ATRX: variants seen among roughly 807,000 people sequenced by gnomAD.
ATRX encodes ATRX chromatin remodeler, also known as chromatin remodeler ATRX.
Under a neutral mutation model 172.6 loss-of-function variants are expected in ATRX, and 12 were observed. The observed-to-expected ratio is 0.07, with a 90% confidence interval of 0.04 to 0.11. ATRX has a LOEUF of 0.11. Among genes scored for constraint, ATRX ranks in the 10% least tolerant of loss-of-function variants. The pLI, the probability that ATRX is intolerant of heterozygous loss-of-function variation, is 1.00. For synonymous variants in ATRX, 674 were observed against 594.7 expected (o/e 1.13, Z -1.94); for missense variants, 1,368 against 1,767.4 (o/e 0.77, Z 4.05).
At chrX:77,644,708 G>T (rs372880793) in intron 15 of ATRX, among the ~76,000 whole-genome samples, 2 of 105,335 alleles carry the variant, frequency 1.9e-5, no homozygotes, top group Non-Finnish European at 1.9e-5. Context: ...CAAGTCCGAA[G>T]ATCAAAAAGG....
At chrX:77,559,801 G>A (rs1279842722) in intron 28 of ATRX, among the ~76,000 whole-genome samples, 1 of 110,816 alleles carries the variant, frequency 9.0e-6, no homozygotes, top group Non-Finnish European at 1.9e-5. Context: ...ATGAATTGGT[G>A]ATAGGTATAT....
intron 30 of ATRX, among the ~76,000 whole-genome samples, chrX:77,541,811 C>T (rs1376673419): frequency 9.0e-6 from 1 of 111,576 alleles, no homozygotes; most frequent in African/African-American, 3.3e-5. Context: ...ACTGATGGAA[C>T]GTATCTCAAA....
chrX:77,532,730 T>C (rs1266943740), intron 30 of ATRX, among the ~76,000 whole-genome samples: 1 of 111,852 alleles, frequency 8.9e-6, no homozygotes, highest in African/African-American at 3.2e-5. Context: ...GATATAGGCA[T>C]GGGCAAAGAT....
chrX:77,541,109 G>C (rs1311370427), intron 30 of ATRX, among the ~76,000 whole-genome samples: 2 of 111,619 alleles, frequency 1.8e-5, no homozygotes, highest in Non-Finnish European at 3.8e-5. Flanking sequence ...GAATCAAATA[G>C]ACGCAATAAA....
At chrX:77,729,946 TAAATA>T (rs1331669020) in intron 1 of ATRX, among the ~76,000 whole-genome samples, 2 of 111,699 alleles carry the variant, frequency 1.8e-5, no homozygotes, top group African/African-American at 6.5e-5. Flanking sequence ...GAAAAATAAA[TAAATA>T]AAGTACAGTA....
rs782529714 is a variant in ATRX, at chrX:77,682,573, C to G, written c.2683G>C (p.Val895Leu). Residue 895 changes from valine to leucine, a missense_variant, in exon 9 of 35, where the codon GTT (valine) becomes CTT (leucine). Coordinates refer to ENST00000373344, the MANE Select transcript of ATRX (RefSeq NM_000489.6). ...TCCATGATGGTCGTGTCTTTATCAA[C>G]TGTGCCTTCTGCTGAAGAGAAAGTC... is the stretch of plus-strand genomic sequence containing the variant. ...RETFSSAEGT[V>L]DKDTTIMELR... The G allele has an allele frequency of 4.2e-5, 51 of 1,209,204 alleles. No individual in the cohort carries two copies. The highest frequency in any genetic ancestry group is 5.5e-5 in the Non-Finnish European group (49 of 894,950).
At chrX:77,757,560 C>A (rs1382036543) in intron 1 of ATRX, among the ~76,000 whole-genome samples, 1 of 111,865 alleles carries the variant, frequency 8.9e-6, no homozygotes, top group African/African-American at 3.2e-5. Flanking sequence ...AAAAAATATT[C>A]TTTGAAAAAC....
intron 22 of ATRX, among the ~76,000 whole-genome samples, chrX:77,611,702 A>G (rs782365197): frequency 5.4e-5 from 6 of 111,019 alleles, no homozygotes; most frequent in African/African-American, 2.0e-4. Context: ...CTATATAAAA[A>G]ATGTTTAAAT....
chrX:77,640,410 T>C (rs2068597299), intron 15 of ATRX, among the ~76,000 whole-genome samples: 1 of 109,777 alleles, frequency 9.1e-6, no homozygotes, highest in Admixed American at 9.7e-5. Flanking sequence ...TAAGGTGTAG[T>C]AAAAATAAAT....
At chrX:77,634,107 GTACAAA>G (rs2068233508) in intron 17 of ATRX, among the ~76,000 whole-genome samples, 1 of 109,564 alleles carries the variant, frequency 9.1e-6, no homozygotes. Context: ...TGGTTTAAAA[GTACAAA>G]TACATTCACC....
At chrX:77,602,978 A>T (rs2066737608) in intron 22 of ATRX, among the ~76,000 whole-genome samples, 1 of 111,273 alleles carries the variant, frequency 9.0e-6, no homozygotes, top group African/African-American at 3.3e-5. Flanking sequence ...TGAAAAAAAT[A>T]AGCCAAGCCA....
chrX:77,577,750 A>T (rs184265668), intron 27 of ATRX, among the ~76,000 whole-genome samples: 4 of 111,826 alleles, frequency 3.6e-5, no homozygotes, highest in Admixed American at 2.8e-4. Flanking sequence ...ACAAATACCA[A>T]CTCATTCAAT....
chrX:77,585,583 CAAAAAAAAAAAAAAAAAA>C (rs781792876), intron 27 of ATRX, among the ~76,000 whole-genome samples: 45 of 8,550 alleles, frequency 5.3e-3, no homozygotes, highest in Non-Finnish European at 6.7e-3. Flanking sequence ...CTCCCCCCAC[CAAAAAAAAAAAAAAAAAA>C]AAAAAAAAAA....
At chrX:77,592,847 T>A (rs1430347101) in intron 26 of ATRX, among the ~76,000 whole-genome samples, 2 of 108,821 alleles carry the variant, frequency 1.8e-5, no homozygotes, top group African/African-American at 6.7e-5. Flanking sequence ...GAAAAGTAAT[T>A]TGAAGGGGGG....
intron 1 of ATRX, among the ~76,000 whole-genome samples, chrX:77,750,310 G>A (rs1557186898): frequency 9.0e-6 from 1 of 111,124 alleles, no homozygotes; most frequent in Non-Finnish European, 1.9e-5. Flanking sequence ...TATCCCGTGT[G>A]AATAAGGGGA....
rs2148590319 is a variant in ATRX at position 77,682,532 on chromosome X, A to T, written c.2724T>A (p.Leu908=). The part of the protein sequence containing the change: ...DTTIMELRDR[L]PKKQQASAST... Reference sequence around the variant, plus strand: ...AAGCACTTGCTTGCTGCTTCTTAGGAAGTCGATCTCTTAATTCCATGATGG... The same window carrying T: ...AAGCACTTGCTTGCTGCTTCTTAGGTAGTCGATCTCTTAATTCCATGATGG... Residue 908 remains leucine, a synonymous_variant, in exon 9 of 35, where the codon CTT becomes CTA. Transcript: ENST00000373344. The T allele has an allele frequency of 8.3e-7, 1 of 1,211,370 alleles. No individual in the cohort carries two copies. Among genetic ancestry groups the T allele is most frequent in the Non-Finnish European group, 1.1e-6 (1 of 895,399 alleles).
intron 30 of ATRX, among the ~76,000 whole-genome samples, chrX:77,546,596 A>G (rs2064252274): frequency 9.1e-6 from 1 of 110,298 alleles, no homozygotes; most frequent in African/African-American, 3.3e-5. Context: ...GGTTCAAGGG[A>G]TCCTCCCAAC....
At chrX:77,635,052 C>T (rs376749649) in intron 16 of ATRX, among the ~76,000 whole-genome samples, 1 of 111,492 alleles carries the variant, frequency 9.0e-6, no homozygotes, top group East Asian at 2.8e-4. Flanking sequence ...AAGGCCGAGG[C>T]GGGTAGATCA....
chrX:77,766,657 T>C (rs2148928555), intron 1 of ATRX, among the ~76,000 whole-genome samples: 1 of 98,270 alleles, frequency 1.0e-5, no homozygotes, highest in East Asian at 3.4e-4. Flanking sequence ...ACTTCCTAGA[T>C]GGGATGGCGG....
Sources: gnomAD v4.1 joint callset for allele counts (sites outside exome capture counted in the v4.1 genomes callset) on GRCh38, gnomAD v4.1.1 for gene constraint, MANE v1.5 for transcripts, NCBI Gene and HGNC (gene_info 2026-07-23, HGNC 2026-07-21) for gene names.